The following NR2F1-AS1 variants were observed in gnomAD, a reference collection of about 807,000 sequenced individuals.
NR2F1-AS1 encodes NR2F1 antisense RNA 1.
rs1386994398 is a variant in NR2F1-AS1 at position 93,433,049 on chromosome 5, T to C, written n.639-37507A>G. ...GCATTATTCAACTTTTAGTAAAGTA[T>C]ATTTTCATGCTTCTCCTATGCCATG... On this transcript the variant is annotated intron_variant and non_coding_transcript_variant, in intron 4 of 5. Coordinates refer to ENST00000660523, the Ensembl canonical transcript of NR2F1-AS1. 1.1e-4 allele frequency among the ~76,000 whole-genome samples: 17 copies of C among 152,234 alleles called. No homozygotes were observed. The East Asian group carries it at 3.3e-3, about 29-fold the overall frequency.
intron 4 of NR2F1-AS1, among the ~76,000 whole-genome samples, chr5:93,502,093 T>C (rs1404693985): frequency 6.6e-6 from 1 of 152,218 alleles, no homozygotes; most frequent in Non-Finnish European, 1.5e-5. Flanking sequence ...GTATGTAAAC[T>C]GTTTTTTTAG....
chr5:93,433,411 T>A (rs935429417), intron 4 of NR2F1-AS1, among the ~76,000 whole-genome samples: 9 of 152,224 alleles, frequency 5.9e-5, no homozygotes, highest in African/African-American at 2.2e-4. Context: ...CTGGAGATTA[T>A]GTTGTTAACT....
chr5:93,572,606 C>A (rs1419367880), intron 1 of NR2F1-AS1, among the ~76,000 whole-genome samples: 1 of 152,246 alleles, frequency 6.6e-6, no homozygotes, highest in Non-Finnish European at 1.5e-5. Context: ...AGCCAGGGCT[C>A]ACCCCACACT....
At chr5:93,583,351 CT>C (rs1368868882), upstream of NR2F1-AS1, 85 of 150,414 alleles carry the variant, frequency 5.7e-4, no homozygotes, top group African/African-American at 1.9e-3. Flanking sequence ...TTTCTCCCCC[CT>C]CTCTCCCTCC....
intron 4 of NR2F1-AS1, among the ~76,000 whole-genome samples, chr5:93,413,482 T>C (rs1748905446): frequency 6.6e-6 from 1 of 152,136 alleles, no homozygotes; most frequent in African/African-American, 2.4e-5. Flanking sequence ...CTCACTCTCT[T>C]TGGATTGCTT....
chr5:93,493,494 A>G (rs1310471764), intron 4 of NR2F1-AS1, among the ~76,000 whole-genome samples: 2 of 152,102 alleles, frequency 1.3e-5, no homozygotes, highest in Non-Finnish European at 2.9e-5. Context: ...ATCAATCTAC[A>G]GTTCCTCAAA....
At chr5:93,457,538 T>G (rs1370277929) in intron 4 of NR2F1-AS1, among the ~76,000 whole-genome samples, 3 of 152,152 alleles carry the variant, frequency 2.0e-5, no homozygotes, top group Non-Finnish European at 4.4e-5. Context: ...TCTTTCTACA[T>G]AGACACAGTA....
At chr5:93,497,403 C>T (rs764271062) in intron 4 of NR2F1-AS1, among the ~76,000 whole-genome samples, 20 of 152,178 alleles carry the variant, frequency 1.3e-4, no homozygotes, top group Non-Finnish European at 1.2e-4. Context: ...GTTCTCTTCA[C>T]CCAGCTGTCA....
At chr5:93,510,966 G>C (rs896256064) in intron 4 of NR2F1-AS1, among the ~76,000 whole-genome samples, 14 of 152,282 alleles carry the variant, frequency 9.2e-5, no homozygotes, top group Admixed American at 8.5e-4. Context: ...GGAAATGGCA[G>C]TAATTCTCTT....
intron 4 of NR2F1-AS1, among the ~76,000 whole-genome samples, chr5:93,445,639 C>G (rs1378939600): frequency 6.6e-6 from 1 of 152,066 alleles, no homozygotes; most frequent in Non-Finnish European, 1.5e-5. Context: ...GAGCTGGTAC[C>G]ATTCCTTCTG....
intron 2 of NR2F1-AS1, among the ~76,000 whole-genome samples, chr5:93,555,343 G>A (rs1326504445): frequency 6.6e-6 from 1 of 152,210 alleles, no homozygotes; most frequent in African/African-American, 2.4e-5. Context: ...TAAAGAATGA[G>A]TTGCTGCTGG....
chr5:93,536,643 CCAACTGATTTT>C (rs1477245267), intron 4 of NR2F1-AS1, among the ~76,000 whole-genome samples: 1 of 152,084 alleles, frequency 6.6e-6, no homozygotes, highest in Non-Finnish European at 1.5e-5. Flanking sequence ...GTACCTACAG[CCAACTGATTTT>C]CAACAAAGGC....
At chr5:93,525,877 A>G (rs143295879) in intron 4 of NR2F1-AS1, among the ~76,000 whole-genome samples, 2,831 of 152,334 alleles carry the variant, frequency 0.019, 41 homozygotes, top group Non-Finnish European at 0.03. Flanking sequence ...GGAAATTTAT[A>G]GCAGTAAATG....
At chr5:93,497,809 C>T (rs1750996352) in intron 4 of NR2F1-AS1, among the ~76,000 whole-genome samples, 1 of 152,148 alleles carries the variant, frequency 6.6e-6, no homozygotes, top group South Asian at 2.1e-4. Context: ...TTCTCATTAG[C>T]TTTCATGCAT....
At chr5:93,556,916 A>G (rs1561500628) in intron 2 of NR2F1-AS1, among the ~76,000 whole-genome samples, 1 of 152,194 alleles carries the variant, frequency 6.6e-6, no homozygotes, top group Non-Finnish European at 1.5e-5. Flanking sequence ...TACTAAGGGA[A>G]ACCATGATTT....
At chr5:93,466,905 G>T (rs55982987) in intron 4 of NR2F1-AS1, among the ~76,000 whole-genome samples, 1,643 of 21,572 alleles carry the variant, frequency 0.076, 73 homozygotes, top group Non-Finnish European at 0.096. Context: ...TCCCTTTTTT[G>T]GGGGGGGGGG....
At chr5:93,514,862 C>T (rs938317284) in intron 4 of NR2F1-AS1, among the ~76,000 whole-genome samples, 5 of 151,876 alleles carry the variant, frequency 3.3e-5, no homozygotes, top group African/African-American at 1.2e-4. Flanking sequence ...TTTTAAATTT[C>T]TTATAAGCTC....
At chr5:93,585,585 C>T, upstream of NR2F1-AS1, 15 of 952,794 alleles carry the variant, frequency 1.6e-5, no homozygotes, top group South Asian at 2.2e-4. Flanking sequence ...GGCTGGGGCT[C>T]CTGTGGTCCC....
intron 4 of NR2F1-AS1, among the ~76,000 whole-genome samples, chr5:93,490,410 C>CGGT (rs1361796890): frequency 3.9e-5 from 6 of 151,950 alleles, no homozygotes; most frequent in Middle Eastern, 3.4e-3. Flanking sequence ...GTGGTAATGA[C>CGGT]GGTGGTGGTG....
Sources: allele counts gnomAD v4.1 joint callset (sites outside exome capture counted in the v4.1 genomes callset), GRCh38; gene constraint gnomAD v4.1.1; transcripts MANE v1.5; gene names NCBI Gene and HGNC (gene_info 2026-07-23, HGNC 2026-07-21).